The following VPS13B variants were observed in gnomAD, a reference collection of about 807,000 sequenced individuals.
The protein encoded by VPS13B is vacuolar protein sorting 13 homolog B.
Under a neutral mutation model 426.4 loss-of-function variants are expected in VPS13B, and 285 were observed. That is an observed-to-expected ratio of 0.67 (90% CI 0.61 to 0.74). The LOEUF is 0.74. VPS13B is among the 30% of genes least tolerant of loss of function. The pLI is 0.00. For missense variants in VPS13B, 4,537 were observed against 4,782.6 expected (o/e 0.95, Z 1.51); for synonymous variants, 1,676 against 1,676.4 (o/e 1.00, Z 0.01).
intron 22 of VPS13B, among the ~76,000 whole-genome samples, chr8:99,441,005 TAA>T (rs2133437281): frequency 6.6e-6 from 1 of 152,228 alleles, no homozygotes; most frequent in East Asian, 1.9e-4. Context: ...AGCATAATTC[TAA>T]GTTACCTGAG....
intron 5 of VPS13B, among the ~76,000 whole-genome samples, chr8:99,104,686 C>G (rs911208327): frequency 6.6e-6 from 1 of 151,524 alleles, no homozygotes; most frequent in African/African-American, 2.4e-5. Flanking sequence ...TGCAGTGGTG[C>G]TACCTTGGCT....
At chr8:99,572,136 C>G (rs1456343495) in intron 31 of VPS13B, among the ~76,000 whole-genome samples, 1 of 152,032 alleles carries the variant, frequency 6.6e-6, no homozygotes, top group African/African-American at 2.4e-5. Context: ...AAGTTAATAG[C>G]TTGAAGGGAA....
At chr8:99,742,749 G>A (rs1280619686) in intron 39 of VPS13B, among the ~76,000 whole-genome samples, 1 of 152,132 alleles carries the variant, frequency 6.6e-6, no homozygotes, top group African/African-American at 2.4e-5. Flanking sequence ...AATAGATGCA[G>A]AAAAGGCCTT....
At chr8:99,596,291 T>C (rs1827008269) in intron 33 of VPS13B, among the ~76,000 whole-genome samples, 1 of 151,970 alleles carries the variant, frequency 6.6e-6, no homozygotes, top group South Asian at 2.1e-4. Context: ...TAAAGACAGA[T>C]ACATACGCTT....
chr8:99,393,191 A>G (rs1172031943), intron 21 of VPS13B, among the ~76,000 whole-genome samples: 1 of 152,110 alleles, frequency 6.6e-6, no homozygotes, highest in African/African-American at 2.4e-5. Flanking sequence ...AATAGATGAT[A>G]TAGAACTATT....
At chr8:99,590,766 A>G (rs1306184067) in intron 33 of VPS13B, among the ~76,000 whole-genome samples, 2 of 152,092 alleles carry the variant, frequency 1.3e-5, no homozygotes, top group Non-Finnish European at 2.9e-5. Flanking sequence ...TTATGTGGTT[A>G]ATTTTAGAAT....
rs749539888 is a variant in VPS13B, at chr8:99,720,942, A to G, written c.6945A>G (p.Arg2315=). 6.2e-7 allele frequency: 1 copy of G among 1,613,992 alleles called. No individual in the cohort carries two copies. Among genetic ancestry groups the G allele is most frequent in the African/African-American group, 1.3e-5 (1 of 75,020 alleles). ...TEDCPGMMLW[R]YPEPRVLTLV... is the part of the protein sequence containing the mutation. ...ATTGCCCAGGGATGATGTTATGGAG[A>G]TATCCAGAACCTAGAGTACTCACCC... The change falls in exon 39 of 62, where the codon AGA becomes AGG. Residue 2315 remains arginine (R), a synonymous_variant. Transcript: ENST00000357162.
chr8:99,640,973 A>C (rs546644309), intron 33 of VPS13B, among the ~76,000 whole-genome samples: 5 of 152,174 alleles, frequency 3.3e-5, no homozygotes, highest in African/African-American at 4.8e-5. Flanking sequence ...TAAAATATCT[A>C]GGTGCAGAAT....
At chr8:99,210,223 A>T (rs927513513) in intron 17 of VPS13B, among the ~76,000 whole-genome samples, 4 of 152,220 alleles carry the variant, frequency 2.6e-5, no homozygotes, top group African/African-American at 9.6e-5. Context: ...TCTGGGAATC[A>T]GCATTTCCTA....
intron 15 of VPS13B, among the ~76,000 whole-genome samples, chr8:99,163,154 T>TA (rs1394513951): frequency 2.0e-5 from 3 of 151,712 alleles, no homozygotes; most frequent in African/African-American, 7.3e-5. Flanking sequence ...GTATTTACAA[T>TA]CCCTGAGCTA....
In VPS13B at chr8:99,038,442, C is replaced by CT. The variant is rs1179836812; in HGVS notation, c.173dup (p.Leu58PhefsTer7). On this transcript the variant is annotated frameshift_variant, in exon 3 of 62. Coordinates refer to ENST00000357162, the MANE Select transcript of VPS13B (RefSeq NM_152564.5). LOFTEE classifies it high-confidence loss of function. ...TTTAAGGAACTGAAATTACCATTCA[C>CT]TTTTTTAAGTGGACATATTCATGAA... is the stretch of plus-strand genomic sequence containing the variant. 3.1e-6 allele frequency: 5 copies of CT among 1,606,842 alleles called. No homozygotes were observed. Among genetic ancestry groups the CT allele is most frequent in the Non-Finnish European group, 4.3e-6 (5 of 1,175,986 alleles).
At chr8:99,554,110 T>A (rs1343326843) in intron 30 of VPS13B, among the ~76,000 whole-genome samples, 3 of 152,112 alleles carry the variant, frequency 2.0e-5, no homozygotes, top group Non-Finnish European at 4.4e-5. Context: ...TGTAATCTTG[T>A]TAATTATACA....
chr8:99,208,140 G>A (rs1814839904), intron 17 of VPS13B, among the ~76,000 whole-genome samples: 2 of 152,142 alleles, frequency 1.3e-5, no homozygotes, highest in African/African-American at 2.4e-5. Context: ...GTGTCACATC[G>A]CCAGAGTTGG....
At chr8:99,431,350 T>C (rs1036924375) in intron 21 of VPS13B, among the ~76,000 whole-genome samples, 187 bp from the exon 22 acceptor site, 1 of 152,212 alleles carries the variant, frequency 6.6e-6, no homozygotes, top group African/African-American at 2.4e-5. Flanking sequence ...AAATTAGGCC[T>C]GCTTATTTTT....
In VPS13B at chr8:99,788,292, G is replaced by A. The variant is rs909195742; in HGVS notation, c.7941+3816G>A. Among the ~76,000 whole-genome samples the A allele has an allele frequency of 1.3e-5, 2 of 149,114 alleles. 1 individual carries two copies. The highest frequency in any genetic ancestry group is 3.0e-5 in the Non-Finnish European group (2 of 67,512). On this transcript the variant is annotated intron_variant, in intron 43 of 61. Coordinates refer to ENST00000357162, the MANE Select transcript of VPS13B (RefSeq NM_152564.5). ...AAAGTATGTGTGGTGGCACATACCT[G>A]TAGTTCTAGCTACTTGGGAGGCTGA...
chr8:99,695,198 G>T (rs1270797823), intron 35 of VPS13B, among the ~76,000 whole-genome samples: 51 of 148,692 alleles, frequency 3.4e-4, no homozygotes, highest in African/African-American at 9.0e-4. Flanking sequence ...CCATTACTGG[G>T]TATATACCCA....
chr8:99,267,849 C>T (rs1818388058), intron 17 of VPS13B, among the ~76,000 whole-genome samples: 1 of 152,126 alleles, frequency 6.6e-6, no homozygotes, highest in Non-Finnish European at 1.5e-5. Flanking sequence ...GGGAAAATGT[C>T]TCCAGGGCAT....
intron 39 of VPS13B, among the ~76,000 whole-genome samples, chr8:99,752,122 G>T (rs116749096): frequency 0.019 from 2,938 of 152,080 alleles, 98 homozygotes; most frequent in African/African-American, 0.067. Context: ...GAGGAGGATC[G>T]CTTGAGCCTA....
chr8:99,743,863 C>T (rs554172096), intron 39 of VPS13B, among the ~76,000 whole-genome samples: 1 of 152,220 alleles, frequency 6.6e-6, no homozygotes, highest in East Asian at 1.9e-4. Flanking sequence ...GACCTAAAAC[C>T]ATAAAAACCC....
Sources: allele counts gnomAD v4.1 joint callset (sites outside exome capture counted in the v4.1 genomes callset), GRCh38; gene constraint gnomAD v4.1.1; transcripts MANE v1.5; gene names NCBI Gene and HGNC (gene_info 2026-07-23, HGNC 2026-07-21).